The following WDPCP variants were observed in gnomAD, a reference collection of about 807,000 sequenced individuals.
WDPCP encodes the protein WD repeat-containing and planar cell polarity effector protein fritz homolog.
WDPCP carries 71 observed loss-of-function variants against 93.1 expected under a neutral mutation model. The observed-to-expected ratio is 0.76, with a 90% CI of 0.63 to 0.93. WDPCP has a LOEUF of 0.93. WDPCP is among the 40% of genes least tolerant of loss of function. WDPCP has a pLI of 0.00. For missense variants in WDPCP, 844 were observed against 887.4 expected, an observed-to-expected ratio of 0.95 and a Z score of 0.62; for synonymous variants, 315 against 315.0, an observed-to-expected ratio of 1.00 and a Z score of 0.00.
intron 2 of WDPCP, among the ~76,000 whole-genome samples, chr2:63,747,557 G>T (rs1003299365): frequency 6.6e-6 from 1 of 151,650 alleles, no homozygotes; most frequent in Non-Finnish European, 1.5e-5. Context: ...CCTGTCATCT[G>T]CAATACCACT....
At chr2:63,215,696 C>T (rs1236519533) in intron 14 of WDPCP, among the ~76,000 whole-genome samples, 1 of 152,092 alleles carries the variant, frequency 6.6e-6, no homozygotes, top group Admixed American at 6.5e-5. Flanking sequence ...CAACTAAAGC[C>T]AAAATTGACA....
At chr2:63,601,340 A>C (rs1709414195) in intron 3 of WDPCP, among the ~76,000 whole-genome samples, 1 of 152,162 alleles carries the variant, frequency 6.6e-6, no homozygotes, top group Non-Finnish European at 1.5e-5. Context: ...CGACTTAGGG[A>C]CTGTTTAACA....
intron 6 of WDPCP, among the ~76,000 whole-genome samples, chr2:63,476,787 G>A (rs186496773): frequency 2.0e-4 from 31 of 152,170 alleles, no homozygotes; most frequent in Middle Eastern, 3.4e-3. Flanking sequence ...ATTGAGTTTC[G>A]CACAACTTGA....
intron 14 of WDPCP, among the ~76,000 whole-genome samples, chr2:63,255,346 C>T (rs779382041): frequency 2.0e-5 from 3 of 152,026 alleles, no homozygotes; most frequent in Non-Finnish European, 4.4e-5. Context: ...TCCTTATTTG[C>T]TGATATGGTT....
chr2:63,730,991 C>T (rs2103822791), intron 2 of WDPCP, among the ~76,000 whole-genome samples: 1 of 152,030 alleles, frequency 6.6e-6, no homozygotes, highest in South Asian at 2.1e-4. Context: ...AAGAATGAGG[C>T]CGGGTACGGT....
intron 15 of WDPCP, among the ~76,000 whole-genome samples, chr2:63,164,133 C>T (rs544877414): frequency 6.6e-6 from 1 of 152,088 alleles, no homozygotes; most frequent in Non-Finnish European, 1.5e-5. Flanking sequence ...TAATCTAATA[C>T]AAATGAGAAA....
intron 2 of WDPCP, among the ~76,000 whole-genome samples, chr2:63,707,035 CCTTT>C (rs1669168725): frequency 1.3e-5 from 2 of 148,518 alleles, no homozygotes; most frequent in South Asian, 4.2e-4. Flanking sequence ...GGTAACCCGA[CCTTT>C]CTTTCTGGCT....
intron 15 of WDPCP, among the ~76,000 whole-genome samples, chr2:63,158,181 ATACT>A (rs1217934715): frequency 6.6e-6 from 1 of 152,142 alleles, no homozygotes; most frequent in Non-Finnish European, 1.5e-5. Context: ...GTCAGAGGAC[ATACT>A]TTGTATATTC....
At chr2:63,756,397 C>A (rs148420813) in intron 2 of WDPCP, among the ~76,000 whole-genome samples, 1 of 152,136 alleles carries the variant, frequency 6.6e-6, no homozygotes, top group Admixed American at 6.5e-5. Flanking sequence ...CTTTGTAATG[C>A]AGAAATGTGT....
In WDPCP at chr2:63,667,623, T is replaced by C. The variant is rs573726885; in HGVS notation, n.309-16785A>G. Among the ~76,000 whole-genome samples, 15 of 152,318 alleles carry C rather than the reference T, an allele frequency of 9.8e-5. No individual in the cohort carries two copies. In the South Asian group the frequency reaches 2.9e-3, roughly 29 times the overall value. On this transcript the variant is annotated intron_variant and non_coding_transcript_variant, in intron 2 of 4. Coordinates refer to the WDPCP transcript ENST00000467687. ...CATGTTTTCTTCTTCTCTTTCCTTC[T>C]TCTTCTAGAGCTACATTAAACTCTA...
chr2:63,806,425 A>C (rs1314501171), intron 2 of WDPCP, among the ~76,000 whole-genome samples: 1 of 152,184 alleles, frequency 6.6e-6, no homozygotes, highest in Admixed American at 6.5e-5. Context: ...ATCACAAGGC[A>C]AGTGGAGGCA....
chr2:63,480,983 T>C (rs1438607942), intron 6 of WDPCP, among the ~76,000 whole-genome samples: 2 of 151,828 alleles, frequency 1.3e-5, no homozygotes, highest in African/African-American at 4.8e-5. Context: ...TCACAATCTA[T>C]ACATCTGACA....
chr2:63,159,892 G>A (rs1439014439), intron 15 of WDPCP, among the ~76,000 whole-genome samples: 1 of 152,146 alleles, frequency 6.6e-6, no homozygotes, highest in Non-Finnish European at 1.5e-5. Context: ...ATTTAATGGG[G>A]TTGTTTTCAC....
rs142407243 is a variant in WDPCP, at chr2:63,345,754, T to G, written c.1749-32443A>C. ...GTACCTCTGAATAGATGCCCTTGAG[T>G]ATTCTGATACTGCAGAACTCTTGAA... On this transcript the variant is annotated intron_variant, in intron 12 of 17. Transcript: ENST00000272321. 1.9e-3 allele frequency among the ~76,000 whole-genome samples: 289 copies of G among 152,224 alleles called. 1 individual carries two copies. The East Asian group carries it at 0.021, about 11-fold the overall frequency.
intron 17 of WDPCP, among the ~76,000 whole-genome samples, chr2:63,142,818 GT>G (rs1462729891): frequency 0.014 from 193 of 13,460 alleles, 2 homozygotes; most frequent in East Asian, 0.035. Context: ...AGTGTTAGGG[GT>G]GTGTGTGTGT....
chr2:63,434,352 C>CA (rs1240029463), intron 8 of WDPCP, among the ~76,000 whole-genome samples: 2 of 151,564 alleles, frequency 1.3e-5, no homozygotes, highest in Non-Finnish European at 2.9e-5. Flanking sequence ...TGACTGACAA[C>CA]AAAAAAAGGA....
rs1553408259 is a variant in WDPCP at position 63,484,878 on chromosome 2, A to G, written c.324+39T>C. The G allele has an allele frequency of 4.4e-6, 7 of 1,602,660 alleles. No individual in the cohort carries two copies. In the Admixed American group the frequency reaches 1.2e-4, roughly 27 times the overall value. ...CTGTTGAAAGATGTTTTAAAAACAG[A>G]TTTGTTTGTTGCCATTTTTGAAACT... is the stretch of plus-strand genomic sequence containing the variant. On this transcript the variant is annotated intron_variant, in intron 5 of 17. Coordinates refer to ENST00000272321, the MANE Select transcript of WDPCP (RefSeq NM_015910.7).
intron 2 of WDPCP, among the ~76,000 whole-genome samples, chr2:63,674,005 G>C (rs1710375404): frequency 1.3e-5 from 2 of 152,122 alleles, no homozygotes; most frequent in Non-Finnish European, 2.9e-5. Flanking sequence ...CTTTTCCCCA[G>C]AATACTGTCA....
At chr2:63,232,482 T>TTTTGCTTTA (rs1172456607) in intron 14 of WDPCP, 1 of 152,330 alleles carries the variant, frequency 6.6e-6, no homozygotes, top group African/African-American at 2.4e-5. Context: ...ACAGCTGCTG[T>TTTTGCTTTA]GTTTATCAGT....
Sources: gnomAD v4.1 joint callset for allele counts (sites outside exome capture counted in the v4.1 genomes callset) on GRCh38, gnomAD v4.1.1 for gene constraint, MANE v1.5 for transcripts, NCBI Gene and HGNC (gene_info 2026-07-23, HGNC 2026-07-21) for gene names.